PTPRD: variants seen among roughly 807,000 people sequenced by gnomAD.
PTPRD encodes the protein protein tyrosine phosphatase receptor type D.
PTPRD carries 34 observed loss-of-function variants against 214.5 expected under a neutral mutation model. That is an observed-to-expected ratio of 0.16 (90% confidence interval 0.12 to 0.21). The LOEUF is 0.21. PTPRD is among the 10% of genes least tolerant of loss of function. The probability of loss-of-function intolerance (pLI) is 1.00; values close to 1 mark genes in which losing one functional copy is unlikely to be tolerated. For missense variants in PTPRD, 2,545 were observed against 2,398.7 expected, an observed-to-expected ratio of 1.06 and a Z score of -1.27; for synonymous variants, 1,128 against 845.7, an observed-to-expected ratio of 1.33 and a Z score of -5.79.
rs142288102 is a variant in PTPRD, at chr9:10,472,504, C to A, written c.-599-131487G>T. ...GCAGGTTGGAGTAGTTGGGGACTGG[C>A]GGAAACAAGTGGCAATATCAGTGAA... On this transcript the variant is annotated intron_variant, in intron 2 of 45. Transcript: ENST00000381196. Among the ~76,000 whole-genome samples the A allele has an allele frequency of 4.0e-5, 6 of 150,754 alleles. No individual in the cohort carries two copies. The East Asian group carries it at 1.2e-3, about 29-fold the overall frequency.
At chr9:9,509,562 A>G (rs1368532828) in intron 8 of PTPRD, among the ~76,000 whole-genome samples, 4 of 151,536 alleles carry the variant, frequency 2.6e-5, no homozygotes, top group Non-Finnish European at 5.9e-5. Context: ...GTTTTCCCAC[A>G]TATGATTCCA....
At chr9:9,399,627 G>T (rs1357984566) in intron 8 of PTPRD, among the ~76,000 whole-genome samples, 2 of 152,008 alleles carry the variant, frequency 1.3e-5, no homozygotes, top group East Asian at 3.9e-4. Context: ...GATCCAGTGA[G>T]AAGTAATTGA....
chr9:8,817,518 C>A (rs2154525210), intron 11 of PTPRD, among the ~76,000 whole-genome samples: 1 of 152,156 alleles, frequency 6.6e-6, no homozygotes, highest in African/African-American at 2.4e-5. Context: ...TGCCAGCCAG[C>A]TCCTTGGGAG....
intron 2 of PTPRD, among the ~76,000 whole-genome samples, chr9:10,539,345 G>A (rs929582825): frequency 6.6e-6 from 1 of 151,928 alleles, no homozygotes; most frequent in African/African-American, 2.4e-5. Flanking sequence ...CCATCATGCC[G>A]GGCTAATTTT....
chr9:8,561,561 C>G (rs1014202801), intron 14 of PTPRD, among the ~76,000 whole-genome samples: 4 of 152,140 alleles, frequency 2.6e-5, no homozygotes, highest in Non-Finnish European at 4.4e-5. Context: ...ACTCAGCGGG[C>G]TGACTGCCTC....
chr9:10,368,317 G>A (rs2097550370), intron 2 of PTPRD, among the ~76,000 whole-genome samples: 1 of 152,042 alleles, frequency 6.6e-6, no homozygotes, highest in South Asian at 2.1e-4. Flanking sequence ...GACCTACAAT[G>A]TCTTCTAAAG....
At chr9:10,504,528 G>A (rs1197501852) in intron 2 of PTPRD, among the ~76,000 whole-genome samples, 2 of 152,150 alleles carry the variant, frequency 1.3e-5, no homozygotes, top group African/African-American at 2.4e-5. Flanking sequence ...GAGCTTGGAA[G>A]CAGAAGGGAG....
At chr9:9,053,404 T>C (rs912471864) in intron 10 of PTPRD, among the ~76,000 whole-genome samples, 1 of 152,018 alleles carries the variant, frequency 6.6e-6, no homozygotes, top group Non-Finnish European at 1.5e-5. Context: ...ATGATGATGA[T>C]GATGATATTA....
intron 9 of PTPRD, among the ~76,000 whole-genome samples, chr9:9,355,032 TG>T (rs1219108352): frequency 1.3e-5 from 2 of 151,628 alleles, no homozygotes; most frequent in African/African-American, 4.8e-5. Context: ...ATGAAGTTGG[TG>T]GAGGATGGTA....
intron 3 of PTPRD, among the ~76,000 whole-genome samples, chr9:10,320,886 C>A (rs2154427426): frequency 6.6e-6 from 1 of 151,990 alleles, no homozygotes; most frequent in Admixed American, 6.6e-5. Flanking sequence ...TGCAACAATG[C>A]CCAGTAAATT....
chr9:8,985,463 C>T (rs1031624581), intron 11 of PTPRD, among the ~76,000 whole-genome samples: 7 of 152,066 alleles, frequency 4.6e-5, no homozygotes, highest in South Asian at 4.2e-4. Context: ...AGGTAACATT[C>T]GTGTGGAATT....
chr9:10,421,992 T>A (rs949969993), intron 2 of PTPRD, among the ~76,000 whole-genome samples: 3 of 151,836 alleles, frequency 2.0e-5, no homozygotes, highest in Non-Finnish European at 2.9e-5. Flanking sequence ...TATAGAAATA[T>A]TCAAAGAGTA....
At chr9:8,631,821 T>C (rs1404284651) in intron 14 of PTPRD, among the ~76,000 whole-genome samples, 1 of 151,886 alleles carries the variant, frequency 6.6e-6, no homozygotes, top group Admixed American at 6.6e-5. Context: ...AATTTCAATT[T>C]CTTGTTTGTA....
intron 3 of PTPRD, among the ~76,000 whole-genome samples, chr9:10,259,117 G>A (rs1227222696): frequency 6.6e-6 from 1 of 151,992 alleles, no homozygotes; most frequent in Non-Finnish European, 1.5e-5. Context: ...CCACCTCCCG[G>A]GTTCACACTA....
At chr9:8,768,253 A>G (rs1342252150) in intron 11 of PTPRD, among the ~76,000 whole-genome samples, 1 of 152,152 alleles carries the variant, frequency 6.6e-6, no homozygotes, top group Non-Finnish European at 1.5e-5. Context: ...AAAAAATAAA[A>G]TAACACTGGG....
intron 3 of PTPRD, among the ~76,000 whole-genome samples, chr9:10,213,643 TTTTC>T (rs1469947856): frequency 6.6e-6 from 1 of 152,130 alleles, no homozygotes; most frequent in African/African-American, 2.4e-5. Context: ...TTAATGCTGA[TTTTC>T]TTTATTTCAT....
chr9:10,134,945 T>G (rs1564034047), intron 3 of PTPRD, among the ~76,000 whole-genome samples: 1 of 152,066 alleles, frequency 6.6e-6, no homozygotes, highest in Non-Finnish European at 1.5e-5. Flanking sequence ...TCAATAAGAT[T>G]CAGGAGAAAG....
intron 8 of PTPRD, among the ~76,000 whole-genome samples, chr9:9,437,520 C>A (rs767785853): frequency 6.6e-6 from 1 of 152,068 alleles, no homozygotes; most frequent in Non-Finnish European, 1.5e-5. Context: ...TAACTACATT[C>A]TTTTCTCTAT....
chr9:8,411,346 C>A (rs1470086761), intron 35 of PTPRD, among the ~76,000 whole-genome samples: 1 of 151,558 alleles, frequency 6.6e-6, no homozygotes, highest in Non-Finnish European at 1.5e-5. Context: ...CATGCCTGTC[C>A]AGGCTGAAGT....
Sources: allele counts gnomAD v4.1 joint callset (sites outside exome capture counted in the v4.1 genomes callset), GRCh38; gene constraint gnomAD v4.1.1; transcripts MANE v1.5; gene names NCBI Gene and HGNC (gene_info 2026-07-23, HGNC 2026-07-21).